MCTP1: variants seen among roughly 807,000 people sequenced by gnomAD.
The protein encoded by MCTP1 is multiple C2 and transmembrane domain containing 1, also known as multiple C2 and transmembrane domain-containing protein 1.
A neutral mutation model predicts 120.6 loss-of-function variants in MCTP1; 69 were observed. The ratio of observed to expected loss-of-function variants is 0.57; its 90% CI spans 0.47 to 0.70. MCTP1 has a LOEUF of 0.70. MCTP1 is among the 30% of genes least tolerant of loss of function. The probability of loss-of-function intolerance (pLI) is 0.00; values close to 1 mark genes in which losing one functional copy is unlikely to be tolerated. For synonymous variants in MCTP1, 529 were observed against 493.1 expected, an observed-to-expected ratio of 1.07 and a Z score of -0.96; for missense variants, 1,203 against 1,248.8, an observed-to-expected ratio of 0.96 and a Z score of 0.55.
chr5:95,088,523 G>A lies in MCTP1; in HGVS notation c.721-71039C>T, dbSNP rs184396417. Among the ~76,000 whole-genome samples, 30 of 152,218 alleles carry A rather than the reference G, an allele frequency of 2.0e-4. No individual in the cohort carries two copies. In the South Asian group the frequency reaches 5.8e-3, roughly 29 times the overall value. On this transcript the variant is annotated intron_variant, in intron 1 of 22. Coordinates refer to ENST00000515393, the MANE Select transcript of MCTP1 (RefSeq NM_024717.7). Reference sequence around the variant, plus strand: ...AAACTCTGTGAAGCAGGTACTACTCGGAGCAATTATTCTATTTTACAAACT... The same window carrying A: ...AAACTCTGTGAAGCAGGTACTACTCAGAGCAATTATTCTATTTTACAAACT...
intron 1 of MCTP1, among the ~76,000 whole-genome samples, chr5:95,210,672 A>T (rs1419112536): frequency 6.6e-6 from 1 of 151,590 alleles, no homozygotes; most frequent in African/African-American, 2.4e-5. Flanking sequence ...TAGTCCATTT[A>T]CATTTAAAGT....
intron 4 of MCTP1, among the ~76,000 whole-genome samples, chr5:94,941,884 C>T (rs1817811834): frequency 6.6e-6 from 1 of 151,998 alleles, no homozygotes; most frequent in African/African-American, 2.4e-5. Context: ...CCTTGGTAAT[C>T]CGGCAATGGC....
intron 1 of MCTP1, among the ~76,000 whole-genome samples, chr5:95,274,486 A>T (rs1285933800): frequency 6.6e-6 from 1 of 151,884 alleles, no homozygotes; most frequent in African/African-American, 2.4e-5. Flanking sequence ...TTCTCCCATC[A>T]ATTATCCCCC....
At chr5:95,230,390 G>A (rs1000438153) in intron 1 of MCTP1, among the ~76,000 whole-genome samples, 5 of 152,096 alleles carry the variant, frequency 3.3e-5, no homozygotes, top group Admixed American at 2.6e-4. Context: ...GTAAGTTTCG[G>A]GGCTGATATG....
chr5:95,156,995 G>A (rs1213460293), intron 1 of MCTP1, among the ~76,000 whole-genome samples: 1 of 152,112 alleles, frequency 6.6e-6, no homozygotes, highest in Non-Finnish European at 1.5e-5. Context: ...GATTTGAGGA[G>A]TAGGACTACA....
At chr5:94,900,144 T>G (rs1805124326) in intron 10 of MCTP1, among the ~76,000 whole-genome samples, 1 of 152,214 alleles carries the variant, frequency 6.6e-6, no homozygotes, top group African/African-American at 2.4e-5. Flanking sequence ...TCCAGAAGCC[T>G]TATAATCCTC....
intron 1 of MCTP1, among the ~76,000 whole-genome samples, chr5:95,272,779 A>G (rs1315845106): frequency 6.6e-6 from 1 of 152,214 alleles, no homozygotes; most frequent in Non-Finnish European, 1.5e-5. Flanking sequence ...TCACAAAAGC[A>G]CCAGCCTGAG....
At position 95,018,706 on chromosome 5, in the gene MCTP1, C is replaced by T. The variant is rs148650024; in HGVS notation, c.721-1222G>A. Among the ~76,000 whole-genome samples, 416 of 152,146 alleles carry T rather than the reference C, an allele frequency of 2.7e-3. 2 individuals carry two copies. The highest frequency in any genetic ancestry group is 7.4e-3 in the Admixed American group (113 of 15,258). On this transcript the variant is annotated intron_variant, in intron 1 of 22. Coordinates refer to ENST00000515393, the MANE Select transcript of MCTP1 (RefSeq NM_024717.7). ...TTCCTCAGTCACTCAGCCTAGAAAT[C>T]GCTGAGCCATCTTTGACTTCTTCAT...
intron 1 of MCTP1, among the ~76,000 whole-genome samples, chr5:95,232,111 C>A (rs1755015350): frequency 6.7e-6 from 1 of 148,676 alleles, no homozygotes; most frequent in Admixed American, 6.7e-5. Context: ...CCAAATGATC[C>A]CTGGAGGATA....
chr5:95,017,309 A>G lies in MCTP1; in HGVS notation c.838+58T>C, dbSNP rs901337732. 3.9e-6 allele frequency: 4 copies of G among 1,015,612 alleles called. No homozygotes were observed. In the South Asian group the frequency reaches 5.1e-5, roughly 13 times the overall value. The allele number at this position is 1,015,612 out of a possible 1,614,324, so 62.9% of individuals were successfully genotyped here. A position where few individuals can be genotyped will look rare whatever the true frequency, so the allele number is the denominator to read the frequency against. On this transcript the variant is annotated intron_variant, in intron 2 of 22. Transcript: ENST00000515393. The stretch of plus-strand genomic sequence containing the variant: ...TAACTCAGGCAATCACGTGGAAAAC[A>G]AAGTTTGTCATAAACACATAAAAAA...
intron 17 of MCTP1, among the ~76,000 whole-genome samples, chr5:94,809,838 G>A (rs932881590): frequency 1.3e-5 from 2 of 152,070 alleles, no homozygotes; most frequent in African/African-American, 4.8e-5. Flanking sequence ...ACTCACTGAA[G>A]CTTGCCTTTC....
chr5:94,779,431 T>A (rs144504848), intron 18 of MCTP1, among the ~76,000 whole-genome samples: 1,806 of 152,286 alleles, frequency 0.012, 45 homozygotes, highest in African/African-American at 0.04. Context: ...GGTAAACCAA[T>A]ATTAATTTGG....
chr5:95,074,856 G>T (rs1046259187), intron 1 of MCTP1, among the ~76,000 whole-genome samples: 6 of 152,176 alleles, frequency 3.9e-5, no homozygotes, highest in African/African-American at 1.4e-4. Context: ...CAGGAAAATT[G>T]AATGCAGAAT....
At chr5:95,051,156 T>C (rs1745806585) in intron 1 of MCTP1, among the ~76,000 whole-genome samples, 1 of 152,190 alleles carries the variant, frequency 6.6e-6, no homozygotes, top group African/African-American at 2.4e-5. Context: ...AAAACTGATA[T>C]ATACAACAAG....
intron 1 of MCTP1, among the ~76,000 whole-genome samples, chr5:95,132,820 T>A (rs554334817): frequency 6.6e-6 from 1 of 152,318 alleles, no homozygotes. Flanking sequence ...ATTGGGTGAC[T>A]ACTTGATTTA....
chr5:94,927,759 G>A (rs777182087), intron 6 of MCTP1, among the ~76,000 whole-genome samples: 2 of 152,090 alleles, frequency 1.3e-5, no homozygotes, highest in East Asian at 1.9e-4. Flanking sequence ...CATCCAAGGT[G>A]TCAGGTTTAA....
intron 1 of MCTP1, among the ~76,000 whole-genome samples, chr5:95,283,070 G>T (rs1760452611): frequency 6.6e-6 from 1 of 152,224 alleles, no homozygotes; most frequent in South Asian, 2.1e-4. Flanking sequence ...AAAGAGCAGT[G>T]CCTCTTCGAA....
intron 1 of MCTP1, among the ~76,000 whole-genome samples, chr5:95,117,657 T>C (rs1757920392): frequency 6.6e-6 from 1 of 152,078 alleles, no homozygotes; most frequent in African/African-American, 2.4e-5. Context: ...GCAATCCCAT[T>C]ACTGAGTATA....
chr5:95,255,096 T>A (rs1757746004), intron 1 of MCTP1, among the ~76,000 whole-genome samples: 1 of 152,176 alleles, frequency 6.6e-6, no homozygotes, highest in Non-Finnish European at 1.5e-5. Context: ...TTGAGTATGG[T>A]CATAAAAATC....
Sources: gnomAD v4.1 joint callset for allele counts (sites outside exome capture counted in the v4.1 genomes callset) on GRCh38, gnomAD v4.1.1 for gene constraint, MANE v1.5 for transcripts, NCBI Gene and HGNC (gene_info 2026-07-23, HGNC 2026-07-21) for gene names.